The following GFRA1 variants were observed in gnomAD, a reference collection of about 807,000 sequenced individuals.
The protein encoded by GFRA1 is GDNF family receptor alpha 1, also known as GDNF family receptor alpha-1.
GFRA1 carries 16 observed loss-of-function variants against 51.6 expected under a neutral mutation model. That is an observed-to-expected ratio of 0.31 (90% CI 0.21 to 0.47). GFRA1 has a LOEUF of 0.47. Ranked by LOEUF, GFRA1 falls within the 20% of genes least tolerant of loss-of-function variation. GFRA1 has a pLI of 1.00. For missense variants in GFRA1, 530 were observed against 594.3 expected (o/e 0.89, Z 1.13); for synonymous variants, 270 against 241.3 (o/e 1.12, Z -1.10).
At position 116,065,640 on chromosome 10, in the gene GFRA1, A is replaced by G; in HGVS notation, c.1198-14T>C. ...CAGCTTCTGTGCCTGGAGAGGGACA[A>G]GAAAAAAAATGCTCAAACATAATAC... On this transcript the variant is annotated splice_polypyrimidine_tract_variant and intron_variant, in intron 9 of 10. Coordinates refer to ENST00000355422, the MANE Select transcript of GFRA1 (RefSeq NM_005264.8). 1.2e-6 allele frequency: 2 copies of G among 1,610,224 alleles called. No individual in the cohort carries two copies. The highest frequency in any genetic ancestry group is 1.7e-6 in the Non-Finnish European group (2 of 1,176,970).
At chr10:116,135,377 A>G (rs1006191133) in intron 5 of GFRA1, among the ~76,000 whole-genome samples, 13 of 152,228 alleles carry the variant, frequency 8.5e-5, no homozygotes, top group African/African-American at 3.1e-4. Flanking sequence ...GCAGGAGTGC[A>G]TGAAATTTCT....
At chr10:116,159,703 G>T (rs543314794) in intron 5 of GFRA1, among the ~76,000 whole-genome samples, 1 of 152,292 alleles carries the variant, frequency 6.6e-6, no homozygotes, top group East Asian at 1.9e-4. Context: ...ATGGACAAGT[G>T]AAGTGGGAGA....
intron 9 of GFRA1, among the ~76,000 whole-genome samples, chr10:116,076,245 G>T (rs1217182474): frequency 6.6e-6 from 1 of 152,144 alleles, no homozygotes; most frequent in East Asian, 1.9e-4. Context: ...GCTAATGCCT[G>T]TCTGAAGGCA....
In GFRA1 at chr10:116,177,295, G is replaced by T. The variant is rs181534886; in HGVS notation, c.433+34336C>A. Among the ~76,000 whole-genome samples the T allele has an allele frequency of 1.9e-3, 286 of 152,278 alleles. 1 individual carries two copies. Among genetic ancestry groups the T allele is most frequent in the Non-Finnish European group, 3.3e-3 (226 of 68,030 alleles). On this transcript the variant is annotated intron_variant, in intron 5 of 10. Transcript: ENST00000355422. The stretch of plus-strand genomic sequence containing the variant: ...TAGAAGACAGGATGCAGGAGACAGA[G>T]AGAAAATGGCCCATTAGGAGGCTTA...
chr10:116,095,442 A>G (rs1370892525), intron 7 of GFRA1, among the ~76,000 whole-genome samples: 1 of 152,226 alleles, frequency 6.6e-6, no homozygotes. Flanking sequence ...GCAATTCCAT[A>G]GTTGATACAT....
chr10:116,193,899 C>T (rs1447267579), intron 5 of GFRA1, among the ~76,000 whole-genome samples: 2 of 151,696 alleles, frequency 1.3e-5, no homozygotes, highest in South Asian at 2.1e-4. Context: ...ATTAGCTGGG[C>T]GTGGTGGAGG....
chr10:116,109,924 G>GT (rs2133962451), intron 6 of GFRA1, among the ~76,000 whole-genome samples: 2 of 152,246 alleles, frequency 1.3e-5, no homozygotes, highest in South Asian at 4.1e-4. Flanking sequence ...GACACTTCCA[G>GT]TATCTCCTCC....
At chr10:116,197,710 A>G (rs773971841) in intron 5 of GFRA1, among the ~76,000 whole-genome samples, 1 of 152,204 alleles carries the variant, frequency 6.6e-6, no homozygotes, top group Non-Finnish European at 1.5e-5. Flanking sequence ...TAGAAGTGCT[A>G]CAAAGAAATT....
intron 5 of GFRA1, among the ~76,000 whole-genome samples, chr10:116,181,276 T>A (rs768443914): frequency 6.6e-6 from 1 of 152,112 alleles, no homozygotes; most frequent in Non-Finnish European, 1.5e-5. Context: ...CTATACAGAA[T>A]GAGAGAATGG....
chr10:116,096,230 T>C (rs531513639), intron 7 of GFRA1, among the ~76,000 whole-genome samples: 2 of 152,322 alleles, frequency 1.3e-5, no homozygotes, highest in South Asian at 4.2e-4. Context: ...GGGCCATTTC[T>C]GGGAAGCAGC....
chr10:116,086,751 C>T (rs1956117712), intron 9 of GFRA1, among the ~76,000 whole-genome samples: 1 of 152,170 alleles, frequency 6.6e-6, no homozygotes, highest in African/African-American at 2.4e-5. Flanking sequence ...CAGCCCCACG[C>T]CTTCATGTCC....
rs1046699877 is a variant in GFRA1, at chr10:116,060,109, C to T, written c.*4289G>A. On this transcript the variant is annotated 3_prime_UTR_variant, in exon 11 of 11. Transcript: ENST00000355422. ...AGGACGGAGGGAGTGGAAAAAAACA[C>T]AGATTTAAAGCCTCTGCAGTGAGAA... 2 of 152,128 alleles carry T rather than the reference C, an allele frequency of 1.3e-5. No individual in the cohort carries two copies. Among genetic ancestry groups the T allele is most frequent in the African/African-American group, 4.8e-5 (2 of 41,410 alleles). The allele number at this position is 152,128 out of a possible 1,614,324, so 9.4% of individuals were successfully genotyped here.
At position 116,062,256 on chromosome 10, in the gene GFRA1, C is replaced by A; in HGVS notation, c.*2142G>T. ...GTCCAGTGTAGATACACAGAGATAC[C>A]TTAATGAAAACAAAATACACTCTGT... On this transcript the variant is annotated 3_prime_UTR_variant, in exon 11 of 11. Transcript: ENST00000355422. The A allele has an allele frequency of 2.5e-6, 1 of 397,440 alleles. No individual in the cohort carries two copies. The highest frequency in any genetic ancestry group is 4.4e-6 in the Non-Finnish European group (1 of 225,678). The allele number at this position is 397,440 out of a possible 1,614,324, so 24.6% of individuals were successfully genotyped here. A position where few individuals can be genotyped will look rare whatever the true frequency, so the allele number is the denominator to read the frequency against.
At chr10:116,155,417 G>A (rs1959181594) in intron 5 of GFRA1, among the ~76,000 whole-genome samples, 1 of 152,112 alleles carries the variant, frequency 6.6e-6, no homozygotes, top group Non-Finnish European at 1.5e-5. Flanking sequence ...CTCATGGGGT[G>A]CTGACAGAAG....
chr10:116,259,981 C>A (rs537992259), intron 4 of GFRA1, among the ~76,000 whole-genome samples: 1 of 152,166 alleles, frequency 6.6e-6, no homozygotes, highest in Non-Finnish European at 1.5e-5. Context: ...GCTTCCCCAG[C>A]GGGACTCCTC....
intron 4 of GFRA1, among the ~76,000 whole-genome samples, chr10:116,240,794 T>C (rs1967297867): frequency 6.6e-6 from 1 of 152,148 alleles, no homozygotes; most frequent in Non-Finnish European, 1.5e-5. Flanking sequence ...GACAAACATC[T>C]GCAGACTGAA....
At chr10:116,213,018 G>C (rs994814112) in intron 4 of GFRA1, among the ~76,000 whole-genome samples, 1 of 152,068 alleles carries the variant, frequency 6.6e-6, no homozygotes, top group African/African-American at 2.4e-5. Context: ...CACCAGCAGA[G>C]ATACAGACAG....
intron 9 of GFRA1, among the ~76,000 whole-genome samples, chr10:116,069,495 G>A (rs557181408): frequency 6.6e-5 from 10 of 152,220 alleles, no homozygotes; most frequent in African/African-American, 9.6e-5. Flanking sequence ...TTTTAGGCAC[G>A]TAAAGCTTTG....
At chr10:116,097,896 G>A (rs1956667197) in intron 6 of GFRA1, among the ~76,000 whole-genome samples, 1 of 152,310 alleles carries the variant, frequency 6.6e-6, no homozygotes, top group South Asian at 2.1e-4. Flanking sequence ...AGACGGATAG[G>A]ATGTGTGGGG....
Sources: gnomAD v4.1 joint callset for allele counts (sites outside exome capture counted in the v4.1 genomes callset) on GRCh38, gnomAD v4.1.1 for gene constraint, MANE v1.5 for transcripts, NCBI Gene and HGNC (gene_info 2026-07-23, HGNC 2026-07-21) for gene names.